ANKRD18A: variants seen among roughly 807,000 people sequenced by gnomAD.
ANKRD18A encodes ankyrin repeat domain 18A, also known as ankyrin repeat domain-containing protein 18A.
A neutral mutation model predicts 110.6 loss-of-function variants in ANKRD18A; 72 were observed. That is an observed-to-expected ratio of 0.65 (90% CI 0.54 to 0.79). The LOEUF is 0.79. Among genes scored for constraint, ANKRD18A ranks in the 30% least tolerant of loss-of-function variants. The pLI is 0.00. For synonymous variants in ANKRD18A, 305 were observed against 410.3 expected (o/e 0.74, Z 3.10); for missense variants, 934 against 1,163.3 (o/e 0.80, Z 2.87).
At position 38,571,879 on chromosome 9, in the gene ANKRD18A, T is replaced by C. The variant is rs1823659582; in HGVS notation, c.*166A>G. ...TCTACTTTAGTAAAGATTATGATGT[T>C]TTATATTATATGAGAAACAATTAAA... On this transcript the variant is annotated 3_prime_UTR_variant, in exon 16 of 16. Transcript: ENST00000399703. 5.2e-6 allele frequency: 7 copies of C among 1,350,232 alleles called. No individual in the cohort carries two copies. The highest frequency in any genetic ancestry group is 6.7e-6 in the Non-Finnish European group (7 of 1,041,994). 83.6% of individuals were successfully genotyped at this position (1,350,232 alleles called of 1,614,324 possible).
intron 5 of ANKRD18A, among the ~76,000 whole-genome samples, chr9:38,609,480 CG>C (rs1161040136): frequency 4.0e-5 from 6 of 151,180 alleles, no homozygotes; most frequent in Non-Finnish European, 8.8e-5. Context: ...GACTCCGTCT[CG>C]AAAAAAACAA....
downstream of ANKRD18A, among the ~76,000 whole-genome samples, chr9:38,569,918 AG>A (rs1204355283): frequency 2.0e-5 from 3 of 152,092 alleles, no homozygotes; most frequent in African/African-American, 7.2e-5. Flanking sequence ...GTAAAGTTGG[AG>A]GTCTGCCAAG....
chr9:38,571,093 T>A (rs1042862170), downstream of ANKRD18A: 1 of 1,514,704 alleles, frequency 6.6e-7, no homozygotes, highest in African/African-American at 1.4e-5. Context: ...CCCAGACAGC[T>A]AGAAGGCCCT....
intron 12 of ANKRD18A, 27 bp downstream of exon 12, chr9:38,586,156 G>A (rs1824371346): frequency 2.6e-6 from 4 of 1,561,950 alleles, no homozygotes; most frequent in Non-Finnish European, 2.6e-6. Context: ...TAGACCTTAA[G>A]ATAAAATAAT....
At chr9:38,571,213 A>G, downstream of ANKRD18A, 2 of 1,501,704 alleles carry the variant, frequency 1.3e-6, no homozygotes, top group Non-Finnish European at 1.8e-6. Context: ...TGCCGCAGAG[A>G]AAATACATTA....
chr9:38,570,154 G>T (rs569392789), downstream of ANKRD18A, among the ~76,000 whole-genome samples: 10 of 151,104 alleles, frequency 6.6e-5, no homozygotes, highest in African/African-American at 1.9e-4. Flanking sequence ...AAGTCCCCAC[G>T]GACCATGTCT....
At chr9:38,618,966 A>G (rs922013899) in intron 1 of ANKRD18A, among the ~76,000 whole-genome samples, 6 of 149,830 alleles carry the variant, frequency 4.0e-5, no homozygotes, top group African/African-American at 1.5e-4. Flanking sequence ...AATTCCCTGT[A>G]GGATGAAGAT....
intron 10 of ANKRD18A, among the ~76,000 whole-genome samples, chr9:38,592,120 C>A (rs1456429386): frequency 3.9e-5 from 6 of 152,162 alleles, no homozygotes; most frequent in Non-Finnish European, 7.4e-5. Flanking sequence ...TTGAACAATT[C>A]TCCTCTATTA....
At chr9:38,617,458 A>G (rs1358174703) in intron 1 of ANKRD18A, among the ~76,000 whole-genome samples, 1 of 152,128 alleles carries the variant, frequency 6.6e-6, no homozygotes, top group Admixed American at 6.5e-5. Flanking sequence ...AAAACAAACA[A>G]ACAAACAAAA....
intron 3 of ANKRD18A, among the ~76,000 whole-genome samples, chr9:38,615,317 C>A (rs1269659126): frequency 1.3e-5 from 2 of 152,032 alleles, no homozygotes; most frequent in African/African-American, 2.4e-5. Flanking sequence ...GCTGTTTTTA[C>A]ACTAATTAGA....
At chr9:38,596,640 G>A (rs940138742) in intron 8 of ANKRD18A, among the ~76,000 whole-genome samples, 4 of 152,056 alleles carry the variant, frequency 2.6e-5, no homozygotes, top group African/African-American at 7.2e-5. Context: ...ACACTCTAGA[G>A]AATTTTTAAG....
chr9:38,589,939 C>A (rs551673298), intron 10 of ANKRD18A, among the ~76,000 whole-genome samples: 2 of 152,298 alleles, frequency 1.3e-5, no homozygotes, highest in Non-Finnish European at 2.9e-5. Flanking sequence ...GGCCTCTTCC[C>A]TCTAGTACAC....
chr9:38,570,656 A>G (rs1177362055), downstream of ANKRD18A, among the ~76,000 whole-genome samples: 2 of 152,198 alleles, frequency 1.3e-5, no homozygotes, highest in Non-Finnish European at 2.9e-5. Flanking sequence ...GAGGCCCTTG[A>G]GCAGCTGTGT....
intron 6 of ANKRD18A, chr9:38,604,306 AAAAAATTTAC>A (rs1479170042): frequency 6.6e-6 from 1 of 152,072 alleles, no homozygotes; most frequent in African/African-American, 2.4e-5. Context: ...CCGAAGGAAA[AAAAAATTTAC>A]AAAAAGTCCC....
At chr9:38,572,306 C>T (rs908404259) in intron 15 of ANKRD18A, 1 of 318,254 alleles carries the variant, frequency 3.1e-6, no homozygotes, top group Non-Finnish European at 5.8e-6. Context: ...GTACTAGAGC[C>T]AGCACTGGAA....
chr9:38,578,231 C>A, intron 12 of ANKRD18A, 83 bp from the exon 13 acceptor site: 1 of 1,288,808 alleles, frequency 7.8e-7, no homozygotes, highest in Middle Eastern at 1.9e-4. Flanking sequence ...TTTTGAAATG[C>A]ATTGACTTGA....
intron 8 of ANKRD18A, among the ~76,000 whole-genome samples, 176 bp downstream of exon 8, chr9:38,600,955 A>G (rs9632891): frequency 0.32 from 48,952 of 152,118 alleles, 8,206 homozygotes; most frequent in East Asian, 0.45. Flanking sequence ...ATAGACTATT[A>G]GAATATTTTA....
rs186642662 is a variant in ANKRD18A at position 38,575,645 on chromosome 9, C to G, written c.2795G>C (p.Arg932Pro). ...ISTKLFTEKQ[R>P]MKYFLSTLPT... Reference sequence around the variant, plus strand: ...AAGAGTGCTGAGAAAATATTTCATCCGCTGTTTCTCCGTAAAGAGCTTGGT... The same window carrying G: ...AAGAGTGCTGAGAAAATATTTCATCGGCTGTTTCTCCGTAAAGAGCTTGGT... The change falls in exon 15 of 16, where the codon CGG becomes CCG. Residue 932 changes from arginine to proline, a missense_variant. Physicochemically the swap from Arg to Pro is moderately radical, Grantham distance 103. Transcript: ENST00000399703. 1.5e-5 allele frequency: 23 copies of G among 1,551,580 alleles called. No individual in the cohort carries two copies. In the Admixed American group the frequency reaches 3.5e-4, roughly 24 times the overall value.
intron 3 of ANKRD18A, among the ~76,000 whole-genome samples, chr9:38,612,347 A>C (rs775040604): frequency 2.6e-5 from 4 of 152,062 alleles, no homozygotes; most frequent in Non-Finnish European, 4.4e-5. Flanking sequence ...TTTTAAATCC[A>C]TTTGTATTGA....
Sources: allele counts gnomAD v4.1 joint callset (sites outside exome capture counted in the v4.1 genomes callset), GRCh38; gene constraint gnomAD v4.1.1; transcripts MANE v1.5; gene names NCBI Gene and HGNC (gene_info 2026-07-23, HGNC 2026-07-21).